The following TMOD2 variants were observed in gnomAD, a reference collection of about 807,000 sequenced individuals.
TMOD2 encodes the protein tropomodulin-2.
TMOD2 carries 22 observed loss-of-function variants against 39.9 expected under a neutral mutation model. That is an observed-to-expected ratio of 0.55 (90% CI 0.39 to 0.79). TMOD2 has a LOEUF of 0.79. Ranked by LOEUF, TMOD2 falls within the 30% of genes least tolerant of loss-of-function variation. The probability of loss-of-function intolerance (pLI) is 0.00; values close to 1 mark genes in which losing one functional copy is unlikely to be tolerated. For missense variants in TMOD2, 386 were observed against 413.3 expected, an observed-to-expected ratio of 0.93 and a Z score of 0.57; for synonymous variants, 123 against 146.1, an observed-to-expected ratio of 0.84 and a Z score of 1.14.
Position 51,781,102 on chromosome 15 carries a change from T to G in TMOD2, c.552T>G (p.Asn184Lys). ...PVFEEPPNPT[N>K]VEISLQQMKA... ...TTGAGGAACCACCAAATCCCACAAATGTGGAAATAAGCCTGCAGCAGATGA... is the reference window on the plus strand; with the variant it reads ...TTGAGGAACCACCAAATCCCACAAAGGTGGAAATAAGCCTGCAGCAGATGA... Residue 184 changes from asparagine (N) to lysine (K), a missense_variant, in exon 6 of 10, where the codon AAT becomes AAG. Asn to Lys is a moderately conservative substitution (Grantham distance 94). Coordinates refer to ENST00000249700, the MANE Select transcript of TMOD2 (RefSeq NM_014548.4). 8 of 1,613,022 alleles carry G rather than the reference T, an allele frequency of 5.0e-6. No homozygotes were observed. In the African/African-American group the frequency reaches 6.7e-5, roughly 13 times the overall value.
At chr15:51,763,682 G>C (rs1440447225) in intron 1 of TMOD2, among the ~76,000 whole-genome samples, 1 of 152,188 alleles carries the variant, frequency 6.6e-6, no homozygotes, top group Non-Finnish European at 1.5e-5. Context: ...AATTTTAAAA[G>C]AGTATTCCAC....
intron 1 of TMOD2, among the ~76,000 whole-genome samples, chr15:51,760,925 T>C (rs1357096647): frequency 6.6e-6 from 1 of 152,212 alleles, no homozygotes; most frequent in Non-Finnish European, 1.5e-5. Flanking sequence ...GCCATGATTC[T>C]GCCTACCACA....
At chr15:51,766,250 CT>C (rs2055815727) in intron 1 of TMOD2, 122 bp from the exon 2 acceptor site, 1 of 456,288 alleles carries the variant, frequency 2.2e-6, no homozygotes, top group African/African-American at 1.9e-5. Flanking sequence ...GGAATATTAC[CT>C]TTTTGTTGAA....
At chr15:51,763,805 G>T (rs1313517497) in intron 1 of TMOD2, among the ~76,000 whole-genome samples, 2 of 152,200 alleles carry the variant, frequency 1.3e-5, no homozygotes, top group Non-Finnish European at 2.9e-5. Context: ...TTTTACTGCT[G>T]CTGGGACAAC....
At chr15:51,781,201 A>C in intron 6 of TMOD2, 27 bp downstream of exon 6, 1 of 1,575,836 alleles carries the variant, frequency 6.3e-7, no homozygotes, top group Admixed American at 2.0e-5. Context: ...ATCATCAGTC[A>C]GTTAATTTAT....
chr15:51,792,675 T>C (rs951815875), intron 7 of TMOD2, among the ~76,000 whole-genome samples: 2 of 152,182 alleles, frequency 1.3e-5, no homozygotes, highest in African/African-American at 4.8e-5. Flanking sequence ...CATGGAATAC[T>C]ATGCAGCCAT....
In TMOD2 at chr15:51,768,301, ACACAGAAGGCAGC is replaced by A; in HGVS notation, c.170_182del (p.Gln57ProfsTer45). On this transcript the variant is annotated frameshift_variant, in exon 3 of 10. Transcript: ENST00000249700. LOFTEE classifies it high-confidence loss of function. Reference sequence around the variant, plus strand: ...AGCTGGATTTCGACAGAAAGACCAGACACAGAAGGCAGCCACCGGCCCCTTTGACCGCGAGCAC... The same window carrying A: ...AGCTGGATTTCGACAGAAAGACCAGACACCGGCCCCTTTGACCGCGAGCAC... The A allele has an allele frequency of 6.2e-7, 1 of 1,614,188 alleles. No individual in the cohort carries two copies.
chr15:51,774,212 G>T (rs1567238563), intron 4 of TMOD2, among the ~76,000 whole-genome samples: 1 of 152,162 alleles, frequency 6.6e-6, no homozygotes, highest in Non-Finnish European at 1.5e-5. Context: ...CACAGTCATT[G>T]TTCCATTTTG....
At position 51,781,040 on chromosome 15, in the gene TMOD2, T is replaced by G. The variant is rs769256105; in HGVS notation, c.494-4T>G. 6.3e-7 allele frequency: 1 copy of G among 1,587,736 alleles called. No individual in the cohort carries two copies. The highest frequency in any genetic ancestry group is 1.4e-5 in the African/African-American group (1 of 73,246). On this transcript the variant is annotated splice_region_variant and splice_polypyrimidine_tract_variant and intron_variant, in intron 5 of 9. Coordinates refer to ENST00000249700, the MANE Select transcript of TMOD2 (RefSeq NM_014548.4). The stretch of plus-strand genomic sequence containing the variant: ...ATTTTTTAAAATGAAAACTTGTGTT[T>G]TAGATGTTGTCAAAGGTGAAAAAGT...
At position 51,808,660 on chromosome 15, in the gene TMOD2, C is replaced by G. The variant is rs1398987041; in HGVS notation, c.*206C>G. On this transcript the variant is annotated 3_prime_UTR_variant, in exon 10 of 10. Transcript: ENST00000249700. Reference sequence around the variant, plus strand: ...CAATTGTTTTATTTGCTCATGGGCACTTCTGGCAACTTGACAAATGGACCG... The same window carrying G: ...CAATTGTTTTATTTGCTCATGGGCAGTTCTGGCAACTTGACAAATGGACCG... The G allele has an allele frequency of 2.5e-6, 1 of 396,984 alleles. No individual in the cohort carries two copies. Among genetic ancestry groups the G allele is most frequent in the African/African-American group, 2.1e-5 (1 of 48,316 alleles). 24.6% of individuals were successfully genotyped at this position (396,984 alleles called of 1,614,324 possible).
At chr15:51,787,487 G>A (rs2055978818) in intron 7 of TMOD2, among the ~76,000 whole-genome samples, 1 of 152,258 alleles carries the variant, frequency 6.6e-6, no homozygotes, top group Non-Finnish European at 1.5e-5. Flanking sequence ...TGACAGCTCT[G>A]AAGAGAGCAG....
chr15:51,768,459 T>C lies in TMOD2; in HGVS notation c.283+41T>C, dbSNP rs200655673. ...AGAGCATCTTGGAACAGAGGTTCTC[T>C]CTTTTTTTTTTTTGGAACGGAGGCA... On this transcript the variant is annotated intron_variant, in intron 3 of 9. Transcript: ENST00000249700. 5.8e-4 allele frequency: 867 copies of C among 1,499,320 alleles called. 3 individuals carry two copies. Among genetic ancestry groups the C allele is most frequent in the Middle Eastern group, 5.6e-3 (32 of 5,686 alleles). The allele number at this position is 1,499,320 out of a possible 1,614,324, so 92.9% of individuals were successfully genotyped here.
rs1350274946 is a variant in TMOD2, at chr15:51,809,602, G to C, written c.*1148G>C. The C allele has an allele frequency of 6.6e-6, 1 of 152,220 alleles. No individual in the cohort carries two copies. The highest frequency in any genetic ancestry group is 2.4e-5 in the African/African-American group (1 of 41,456). 9.4% of individuals were successfully genotyped at this position (152,220 alleles called of 1,614,324 possible). ...TTCAATGTAGTGGTGTAAAAATGCA[G>C]TGCTAAACTAATGAAGCAGGTGACT... On this transcript the variant is annotated 3_prime_UTR_variant, in exon 10 of 10. Coordinates refer to ENST00000249700, the MANE Select transcript of TMOD2 (RefSeq NM_014548.4).
chr15:51,778,706 G>C (rs1181132651), intron 5 of TMOD2, among the ~76,000 whole-genome samples: 1 of 131,174 alleles, frequency 7.6e-6, no homozygotes, highest in Non-Finnish European at 1.6e-5. Context: ...CCAGGCTGGA[G>C]TGCAGTGGCA....
chr15:51,801,836 A>G (rs971269902), intron 8 of TMOD2, among the ~76,000 whole-genome samples: 3 of 152,094 alleles, frequency 2.0e-5, no homozygotes, highest in African/African-American at 4.8e-5. Flanking sequence ...CTGGGCCTCT[A>G]GTCCCAGCTA....
chr15:51,795,573 GCTTGCTTTCTTT>G (rs1438247666), intron 7 of TMOD2, among the ~76,000 whole-genome samples: 3,683 of 33,900 alleles, frequency 0.11, 155 homozygotes, highest in Non-Finnish European at 0.12. Flanking sequence ...CTGCTTGCTT[GCTTGCTTTCTTT>G]CTTTCTTTCT....
At chr15:51,808,114 A>G (rs1000137078) in intron 9 of TMOD2, among the ~76,000 whole-genome samples, 1 of 152,156 alleles carries the variant, frequency 6.6e-6, no homozygotes, top group Non-Finnish European at 1.5e-5. Flanking sequence ...CCGTGGATAA[A>G]CGGCCATGAA....
intron 7 of TMOD2, among the ~76,000 whole-genome samples, chr15:51,785,326 G>C (rs938538197): frequency 6.7e-6 from 1 of 150,054 alleles, no homozygotes; most frequent in Admixed American, 6.7e-5. Context: ...GCAGGAGAAT[G>C]GCGTGAACCC....
intron 8 of TMOD2, among the ~76,000 whole-genome samples, chr15:51,798,918 G>A (rs2056069899): frequency 6.6e-6 from 1 of 152,246 alleles, no homozygotes; most frequent in South Asian, 2.1e-4. Context: ...CCATGAGATT[G>A]TGGTCTGATC....
Sources: allele counts gnomAD v4.1 joint callset (sites outside exome capture counted in the v4.1 genomes callset), GRCh38; gene constraint gnomAD v4.1.1; transcripts MANE v1.5; gene names NCBI Gene and HGNC (gene_info 2026-07-23, HGNC 2026-07-21).